The following PPP6R2 variants were observed in gnomAD, a reference collection of about 807,000 sequenced individuals.
PPP6R2 encodes the protein protein phosphatase 6 regulatory subunit 2, also known as serine/threonine-protein phosphatase 6 regulatory subunit 2.
In PPP6R2, 62 loss-of-function variants were observed where a neutral mutation model predicts 100.2. The observed-to-expected ratio is 0.62, with a 90% CI of 0.50 to 0.76. The LOEUF (loss-of-function observed/expected upper bound fraction) is 0.76. Ranked by LOEUF, PPP6R2 falls within the 30% of genes least tolerant of loss-of-function variation. The pLI is 0.00. For synonymous variants in PPP6R2, 525 were observed against 514.7 expected (o/e 1.02, Z -0.27); for missense variants, 1,142 against 1,276.3 (o/e 0.89, Z 1.60).
intron 4 of PPP6R2, among the ~76,000 whole-genome samples, chr22:50,410,160 C>T (rs553575830): frequency 5.9e-5 from 9 of 151,952 alleles, no homozygotes; most frequent in African/African-American, 1.9e-4. Context: ...CATACCCTGC[C>T]CCCCAAAAAT....
intron 10 of PPP6R2, among the ~76,000 whole-genome samples, chr22:50,428,718 C>CA (rs201692371): frequency 2.3e-3 from 327 of 143,828 alleles, no homozygotes; most frequent in Middle Eastern, 0.01. Context: ...GATCCTTGCT[C>CA]AAAAAAAAAA....
intron 3 of PPP6R2, among the ~76,000 whole-genome samples, chr22:50,396,054 G>A (rs372232391): frequency 4.6e-5 from 7 of 151,218 alleles, no homozygotes; most frequent in Non-Finnish European, 7.4e-5. Context: ...AATTAGCAGG[G>A]CGTAGTGGCG....
At chr22:50,434,900 C>G (rs2063879814) in intron 12 of PPP6R2, 66 bp from the exon 13 acceptor site, 1 of 1,444,960 alleles carries the variant, frequency 6.9e-7, no homozygotes, top group Non-Finnish European at 9.4e-7. Flanking sequence ...CCACTTGGCT[C>G]TCTGGGTCGT....
Position 50,431,136 on chromosome 22 carries a change from C to A in PPP6R2, c.1126-37C>A, listed in dbSNP as rs373943029. 51 of 1,528,756 alleles carry A rather than the reference C, an allele frequency of 3.3e-5. No homozygotes were observed. The highest frequency in any genetic ancestry group is 3.9e-5 in the Non-Finnish European group (43 of 1,107,478). The allele number at this position is 1,528,756 out of a possible 1,614,324, so 94.7% of individuals were successfully genotyped here. ...TGTGGTGTAGCCGGCAGGAGAAAAC[C>A]GATCTAAGAACTGTCTTCTGTCCTC... On this transcript the variant is annotated intron_variant, in intron 10 of 23. Coordinates refer to ENST00000612753, the MANE Select transcript of PPP6R2 (RefSeq NM_001242898.2). The surrounding 1 kb of genome is among the most constrained non-coding windows in gnomAD (Gnocchi z 4.8).
intron 1 of PPP6R2, among the ~76,000 whole-genome samples, chr22:50,351,793 C>G (rs2045335494): frequency 6.6e-6 from 1 of 151,714 alleles, no homozygotes; most frequent in Non-Finnish European, 1.5e-5. Flanking sequence ...GCCGCCATAC[C>G]CAGCTAATTT....
chr22:50,405,872 T>G (rs1215602221), intron 3 of PPP6R2, among the ~76,000 whole-genome samples: 4 of 78,420 alleles, frequency 5.1e-5, no homozygotes, highest in African/African-American at 5.2e-5. Context: ...TGGAGAGAGG[T>G]GAGAGGCCTG....
chr22:50,428,672 G>A (rs750248930), intron 10 of PPP6R2, among the ~76,000 whole-genome samples: 4 of 151,980 alleles, frequency 2.6e-5, no homozygotes, highest in Non-Finnish European at 5.9e-5. Context: ...CCGAGATCAC[G>A]CCACTGTGTG....
At chr22:50,355,114 A>T (rs2046189580) in intron 1 of PPP6R2, among the ~76,000 whole-genome samples, 1 of 151,828 alleles carries the variant, frequency 6.6e-6, no homozygotes, top group East Asian at 1.9e-4. Context: ...AAGTACTGGG[A>T]CTACAGGCGT....
upstream of PPP6R2, among the ~76,000 whole-genome samples, chr22:50,340,523 TG>T (rs2042361197): frequency 2.2e-5 from 3 of 137,458 alleles, no homozygotes; most frequent in South Asian, 2.3e-4. Context: ...GTGGTGTGTG[TG>T]GGGGGTATGT....
At chr22:50,376,021 CG>C (rs1198523878) in intron 2 of PPP6R2, among the ~76,000 whole-genome samples, 1 of 151,460 alleles carries the variant, frequency 6.6e-6, no homozygotes, top group Non-Finnish European at 1.5e-5. Context: ...TTAGTAAGGA[CG>C]GGGTTTCACT....
intron 8 of PPP6R2, among the ~76,000 whole-genome samples, 182 bp downstream of exon 8, chr22:50,419,644 C>T (rs1264353412): frequency 1.3e-5 from 2 of 152,216 alleles, no homozygotes; most frequent in South Asian, 2.1e-4. Context: ...TCCCCTTAGA[C>T]CCTCATCATC....
At chr22:50,379,413 C>T (rs1489682446) in intron 2 of PPP6R2, among the ~76,000 whole-genome samples, 1 of 152,060 alleles carries the variant, frequency 6.6e-6, no homozygotes, top group African/African-American at 2.4e-5. Flanking sequence ...GGGAGTATCA[C>T]TTGAGCCTGG....
chr22:50,431,285 C>T lies in PPP6R2; in HGVS notation c.1238C>T (p.Ser413Phe), dbSNP rs140861368. Residue 413 changes from serine to phenylalanine, a missense_variant, in exon 11 of 24, where the codon TCC becomes TTC. This residue lies in a region of PPP6R2 where 592 missense variants were observed against 758.9 expected (regional missense o/e 0.78). Coordinates refer to ENST00000612753, the MANE Select transcript of PPP6R2 (RefSeq NM_001242898.2). This position sits in a 1 kb window ranked among gnomAD's most constrained non-coding sequence, Gnocchi z 4.8. Reference protein sequence around the residue: ...AREERTEASGSESRVEPPHEN... With the variant: ...AREERTEASGFESRVEPPHEN... ...GAGGAGAGGACAGAAGCCAGCGGATCCGAGAGCAGGGTGGAGCCTCCGCAT... is the reference window on the plus strand; with the variant it reads ...GAGGAGAGGACAGAAGCCAGCGGATTCGAGAGCAGGGTGGAGCCTCCGCAT... The T allele has an allele frequency of 6.4e-4, 1,040 of 1,613,568 alleles. 6 individuals are homozygous for T. In the Middle Eastern group the frequency reaches 0.016, roughly 25 times the overall value.
intron 10 of PPP6R2, among the ~76,000 whole-genome samples, chr22:50,428,123 G>A (rs2062529138): frequency 6.6e-6 from 1 of 151,280 alleles, no homozygotes; most frequent in South Asian, 2.1e-4. Flanking sequence ...CCAAAGTGCT[G>A]GGATTATAGG....
chr22:50,336,838 C>G, the PPP6R2 span, among the ~76,000 whole-genome samples: 1 of 151,892 alleles, frequency 6.6e-6, no homozygotes, highest in African/African-American at 2.4e-5. Context: ...TCCAGAGTAG[C>G]TGGGACTACA....
the PPP6R2 span, among the ~76,000 whole-genome samples, chr22:50,337,514 G>A: frequency 6.9e-6 from 1 of 145,014 alleles, no homozygotes; most frequent in African/African-American, 2.6e-5. Context: ...GGTGTGTGGG[G>A]TGTGTGCGTG....
At chr22:50,405,775 T>TAA (rs2058799325) in intron 3 of PPP6R2, among the ~76,000 whole-genome samples, 1 of 77,594 alleles carries the variant, frequency 1.3e-5, no homozygotes, top group East Asian at 4.0e-4. Context: ...TGGAGAGAGG[T>TAA]GAGAGGCCTG....
chr22:50,339,574 TGTGTGTGTG>T (rs1230577583), upstream of PPP6R2, among the ~76,000 whole-genome samples: 1 of 112,504 alleles, frequency 8.9e-6, no homozygotes, highest in Non-Finnish European at 1.8e-5. Flanking sequence ...TGGTATGTAG[TGTGTGTGTG>T]GTGTGTGTGG....
At chr22:50,372,547 T>TCAAAA (rs775994538) in intron 2 of PPP6R2, among the ~76,000 whole-genome samples, 15 of 151,984 alleles carry the variant, frequency 9.9e-5, no homozygotes, top group Admixed American at 2.6e-4. Context: ...AGACTCTGTT[T>TCAAAA]CAAAACAAAA....
Sources: gnomAD v4.1 joint callset for allele counts (sites outside exome capture counted in the v4.1 genomes callset) on GRCh38, gnomAD v4.1.1 for gene constraint, gnomAD v4.1.1 regional missense constraint, Gnocchi (gnomAD v3.1) non-coding constraint, MANE v1.5 for transcripts, NCBI Gene and HGNC (gene_info 2026-07-23, HGNC 2026-07-21) for gene names.